The following SYN3 variants were observed in gnomAD, a reference collection of about 807,000 sequenced individuals.
SYN3 encodes synapsin-3.
Under a neutral mutation model 65.8 loss-of-function variants are expected in SYN3, and 35 were observed. The observed-to-expected ratio is 0.53, with a 90% CI of 0.41 to 0.70. SYN3 has a LOEUF of 0.70. Ranked by LOEUF, SYN3 falls within the 30% of genes least tolerant of loss-of-function variation. SYN3 has a pLI of 0.00. For synonymous variants in SYN3, 270 were observed against 292.9 expected (o/e 0.92, Z 0.80); for missense variants, 680 against 749.0 (o/e 0.91, Z 1.08).
intron 7 of SYN3, chr22:32,583,191 C>CA (rs952505374): frequency 6.6e-6 from 1 of 152,264 alleles, no homozygotes; most frequent in African/African-American, 2.4e-5. Context: ...ACACACACCC[C>CA]AAAATGTAAC....
At chr22:33,029,398 G>A (rs1429112636) in intron 1 of SYN3, among the ~76,000 whole-genome samples, 1 of 151,984 alleles carries the variant, frequency 6.6e-6, no homozygotes, top group Non-Finnish European at 1.5e-5. Context: ...GCCCAGGCTG[G>A]TCTGGAACTC....
chr22:32,567,871 C>A (rs142047371), intron 7 of SYN3, among the ~76,000 whole-genome samples: 1 of 152,114 alleles, frequency 6.6e-6, no homozygotes, highest in East Asian at 1.9e-4. Flanking sequence ...GAACTCCTTG[C>A]GGGTATAGGT....
At chr22:33,044,780 T>C (rs1049387343) in intron 1 of SYN3, among the ~76,000 whole-genome samples, 3 of 151,650 alleles carry the variant, frequency 2.0e-5, no homozygotes, top group African/African-American at 7.3e-5. Context: ...TAACTACAGG[T>C]CTCCTACTTG....
chr22:32,765,626 T>C (rs2045603116), intron 6 of SYN3, among the ~76,000 whole-genome samples: 3 of 152,068 alleles, frequency 2.0e-5, no homozygotes, highest in Admixed American at 1.3e-4. Flanking sequence ...AAACTACTCC[T>C]GGGAGAGCTG....
chr22:32,835,228 A>G (rs923636731), intron 6 of SYN3, among the ~76,000 whole-genome samples: 6 of 152,230 alleles, frequency 3.9e-5, no homozygotes, highest in African/African-American at 1.4e-4. Context: ...ATAAGGGCCA[A>G]GATGGAAAAG....
chr22:32,678,365 C>G lies in SYN3; in HGVS notation c.712-81629G>C, dbSNP rs5754206. On this transcript the variant is annotated intron_variant, in intron 6 of 13. Coordinates refer to ENST00000358763, the MANE Select transcript of SYN3 (RefSeq NM_003490.4). ...TCTGAATCTCTCCTGTCTATTCCCA[C>G]TTCTCTCCAAATGTGTGATGTCAGA... 2.6e-5 allele frequency among the ~76,000 whole-genome samples: 4 copies of G among 152,220 alleles called. No homozygotes were observed. In the South Asian group the frequency reaches 6.2e-4, roughly 24 times the overall value.
chr22:32,679,849 T>TTTTTTTTTTTTTTTTTTTTTTTTTTTTTC (rs2060499915), intron 6 of SYN3, among the ~76,000 whole-genome samples: 1 of 140,340 alleles, frequency 7.1e-6, no homozygotes, highest in African/African-American at 2.5e-5. Flanking sequence ...CTTTTTTTTT[T>TTTTTTTTTTTTTTTTTTTTTTTTTTTTTC]TTTTTTTTTG....
At chr22:32,735,468 G>A (rs887194587) in intron 6 of SYN3, among the ~76,000 whole-genome samples, 9 of 152,166 alleles carry the variant, frequency 5.9e-5, no homozygotes, top group African/African-American at 1.2e-4. Flanking sequence ...TAATTTGTAC[G>A]AATGACCTAG....
intron 2 of SYN3, among the ~76,000 whole-genome samples, chr22:32,999,308 G>A (rs2052988299): frequency 6.6e-6 from 1 of 152,148 alleles, no homozygotes; most frequent in South Asian, 2.1e-4. Context: ...ATAGGGAAGG[G>A]TATTCCAGGT....
At chr22:32,564,804 T>C (rs1294602006) in intron 7 of SYN3, among the ~76,000 whole-genome samples, 2 of 141,344 alleles carry the variant, frequency 1.4e-5, no homozygotes, top group Admixed American at 7.2e-5. Context: ...ACCCAAACAG[T>C]GCTCCCGCAT....
intron 6 of SYN3, among the ~76,000 whole-genome samples, chr22:32,705,650 T>C (rs1350309836): frequency 1.3e-5 from 2 of 152,274 alleles, no homozygotes; most frequent in East Asian, 1.9e-4. Flanking sequence ...TTGGGCAGTA[T>C]GGCCACTTCA....
At chr22:32,834,021 C>G (rs531860116) in intron 6 of SYN3, among the ~76,000 whole-genome samples, 1 of 152,104 alleles carries the variant, frequency 6.6e-6, no homozygotes. Flanking sequence ...TGTGTTCATC[C>G]CTGGTACTCT....
chr22:32,650,279 C>CTTTTTTT (rs1371405589), intron 6 of SYN3, among the ~76,000 whole-genome samples: 1 of 111,818 alleles, frequency 8.9e-6, no homozygotes. Context: ...CTCTCTCTTT[C>CTTTTTTT]TTTTTGAGAC....
At chr22:33,002,708 T>G (rs1323356567) in intron 2 of SYN3, among the ~76,000 whole-genome samples, 1 of 152,148 alleles carries the variant, frequency 6.6e-6, no homozygotes, top group Non-Finnish European at 1.5e-5. Flanking sequence ...ATTCCCAAAC[T>G]AAGTTAATGT....
chr22:32,944,888 A>G (rs1396290455), intron 3 of SYN3, among the ~76,000 whole-genome samples: 6 of 152,228 alleles, frequency 3.9e-5, no homozygotes, highest in Non-Finnish European at 8.8e-5. Flanking sequence ...GCATTCTTAT[A>G]CACCAATAAC....
At chr22:32,613,650 T>C (rs1313920299) in intron 6 of SYN3, among the ~76,000 whole-genome samples, 1 of 152,218 alleles carries the variant, frequency 6.6e-6, no homozygotes, top group Non-Finnish European at 1.5e-5. Context: ...TGGGATTCAT[T>C]GAATGAATGT....
At chr22:32,958,914 G>C (rs916360833) in intron 3 of SYN3, among the ~76,000 whole-genome samples, 1 of 152,152 alleles carries the variant, frequency 6.6e-6, no homozygotes, top group African/African-American at 2.4e-5. Context: ...ACTTCTCGGA[G>C]GGGCACAGTG....
At chr22:32,602,224 T>C (rs975365685) in intron 6 of SYN3, among the ~76,000 whole-genome samples, 2 of 152,158 alleles carry the variant, frequency 1.3e-5, no homozygotes, top group Non-Finnish European at 1.5e-5. Context: ...CTTTCCCCAC[T>C]CCCCTTCTCC....
chr22:32,858,233 TGGG>T, intron 6 of SYN3: 1 of 1,560,730 alleles, frequency 6.4e-7, no homozygotes, highest in Non-Finnish European at 8.7e-7. Flanking sequence ...GGCCCTCGGC[TGGG>T]AAGGGTATGC....
Sources: gnomAD v4.1 joint callset for allele counts (sites outside exome capture counted in the v4.1 genomes callset) on GRCh38, gnomAD v4.1.1 for gene constraint, MANE v1.5 for transcripts, NCBI Gene and HGNC (gene_info 2026-07-23, HGNC 2026-07-21) for gene names.